Variants in C2orf78 observed in about 807,000 individuals in gnomAD.
The protein encoded by C2orf78 is chromosome 2 open reading frame 78, also known as uncharacterized protein C2orf78.
C2orf78 carries 12 observed loss-of-function variants against 21.4 expected under a neutral mutation model. The ratio of observed to expected loss-of-function variants is 0.56; its 90% CI spans 0.36 to 0.91. C2orf78 has a LOEUF of 0.91. Ranked by LOEUF, C2orf78 falls within the 40% of genes least tolerant of loss-of-function variation. C2orf78 has a pLI of 0.01. For missense variants in C2orf78, 1,042 were observed against 1,092.4 expected, an observed-to-expected ratio of 0.95 and a Z score of 0.65; for synonymous variants, 396 against 413.9, an observed-to-expected ratio of 0.96 and a Z score of 0.52.
chr2:73,810,947 T>C (rs1349442045), intron 1 of C2orf78, among the ~76,000 whole-genome samples: 2 of 143,138 alleles, frequency 1.4e-5, no homozygotes, highest in African/African-American at 5.2e-5. Context: ...ATGTATGTTA[T>C]ATATAATATA....
Position 73,808,681 on chromosome 2 carries a change from C to T in C2orf78, c.98-4796C>T, listed in dbSNP as rs181972814. The T allele has an allele frequency of 3.9e-5, 56 of 1,449,306 alleles. No individual in the cohort carries two copies. In the East Asian group the frequency reaches 1.4e-3, roughly 37 times the overall value. The allele number at this position is 1,449,306 out of a possible 1,614,324, so 89.8% of individuals were successfully genotyped here. On this transcript the variant is annotated intron_variant, in intron 1 of 2. Coordinates refer to ENST00000409561, the Ensembl canonical transcript of C2orf78. ...AAACTGCCTGCTTTGTGACATCATT[C>T]TCCCACCAAACCAACTGCCACCTGG...
chr2:73,811,487 G>C (rs1470343384), intron 1 of C2orf78, among the ~76,000 whole-genome samples: 1 of 152,094 alleles, frequency 6.6e-6, no homozygotes, highest in South Asian at 2.1e-4. Flanking sequence ...CAATACCTTT[G>C]CATGAAAAGT....
At chr2:73,813,423 G>A in intron 1 of C2orf78, 54 bp from the exon 2 acceptor site, 1 of 1,474,870 alleles carries the variant, frequency 6.8e-7, no homozygotes, top group Non-Finnish European at 9.0e-7. Context: ...CTTCCAATAA[G>A]GTGAGAATTT....
At chr2:73,810,442 G>A (rs1227190560) in intron 1 of C2orf78, among the ~76,000 whole-genome samples, 2 of 151,010 alleles carry the variant, frequency 1.3e-5, no homozygotes, top group Non-Finnish European at 2.9e-5. Context: ...CAGGAGAATC[G>A]TTTGAACCCA....
At chr2:73,810,605 A>ATATG (rs1673063166) in intron 1 of C2orf78, among the ~76,000 whole-genome samples, 3 of 137,584 alleles carry the variant, frequency 2.2e-5, no homozygotes, top group Non-Finnish European at 3.1e-5. Context: ...CATAAAATAT[A>ATATG]TATATTTTAT....
intron 1 of C2orf78, among the ~76,000 whole-genome samples, chr2:73,808,518 G>C (rs542574553): frequency 6.7e-6 from 1 of 150,320 alleles, no homozygotes; most frequent in South Asian, 2.1e-4. Flanking sequence ...GGGGAAAGTG[G>C]GACTATCATG....
intron 1 of C2orf78, among the ~76,000 whole-genome samples, chr2:73,810,785 GTATATTTTATA>G (rs1673071172): frequency 9.1e-6 from 1 of 110,300 alleles, no homozygotes; most frequent in South Asian, 2.7e-4. Context: ...AAATATACAT[GTATATTTTATA>G]TATATAATAT....
At chr2:73,815,698 T>C (rs371476904) in exon 3 of C2orf78, 76 of 1,613,828 alleles carry the variant, frequency 4.7e-5, no homozygotes, top group Non-Finnish European at 6.4e-5. Flanking sequence ...TCATGTGTCA[T>C]AAAGGGTCAC....
intron 2 of C2orf78, 102 bp from the exon 3 acceptor site, chr2:73,814,969 A>G (rs1673162307): frequency 8.7e-7 from 1 of 1,146,446 alleles, no homozygotes; most frequent in Non-Finnish European, 1.2e-6. Context: ...GAGCTAGTAG[A>G]AATGCCTTGC....
chr2:73,813,510 C>A (rs1332043646), exon 2 of C2orf78: 1 of 1,610,610 alleles, frequency 6.2e-7, no homozygotes, highest in Non-Finnish European at 8.5e-7. Flanking sequence ...CCTGGAACTG[C>A]AAATTCTCGG....
chr2:73,808,168 G>A (rs565808527), intron 1 of C2orf78, among the ~76,000 whole-genome samples: 6 of 150,254 alleles, frequency 4.0e-5, no homozygotes, highest in African/African-American at 7.5e-5. Flanking sequence ...GCAGGAGAAT[G>A]GCGTGAACCT....
chr2:73,813,513 A>G (rs1573202141), exon 2 of C2orf78: 1 of 1,611,356 alleles, frequency 6.2e-7, no homozygotes, highest in Non-Finnish European at 8.5e-7. Flanking sequence ...GGAACTGCAA[A>G]TTCTCGGCAG....
At chr2:73,811,482 C>T (rs931509729) in intron 1 of C2orf78, among the ~76,000 whole-genome samples, 1 of 152,086 alleles carries the variant, frequency 6.6e-6, no homozygotes, top group East Asian at 1.9e-4. Flanking sequence ...AAGAACAATA[C>T]CTTTGCATGA....
intron 1 of C2orf78, among the ~76,000 whole-genome samples, chr2:73,810,660 AATAT>A (rs1256997698): frequency 1.5e-5 from 2 of 130,648 alleles, no homozygotes; most frequent in African/African-American, 6.3e-5. Context: ...ATATATCTAT[AATAT>A]ATATAATATA....
At chr2:73,811,227 G>C (rs1317571996) in intron 1 of C2orf78, among the ~76,000 whole-genome samples, 2 of 151,904 alleles carry the variant, frequency 1.3e-5, no homozygotes, top group East Asian at 3.9e-4. Flanking sequence ...GGAGGCAGAG[G>C]TTGCAGTGAG....
intron 1 of C2orf78, among the ~76,000 whole-genome samples, chr2:73,809,651 G>C (rs1436097301): frequency 7.2e-5 from 11 of 152,180 alleles, no homozygotes; most frequent in Non-Finnish European, 4.4e-5. Context: ...AGCCAGGGTT[G>C]GGGGTGTGCC....
At chr2:73,809,614 C>T (rs1314890524) in intron 1 of C2orf78, among the ~76,000 whole-genome samples, 1 of 151,888 alleles carries the variant, frequency 6.6e-6, no homozygotes, top group African/African-American at 2.4e-5. Flanking sequence ...GGCAAGACCC[C>T]ATCTCTACAA....
rs1195355515 is a variant in C2orf78, at chr2:73,816,577, A to T, written c.2354A>T (p.Gln785Leu). The T allele has an allele frequency of 3.7e-6, 6 of 1,613,374 alleles. No homozygotes were observed. The East Asian group carries it at 1.3e-4, about 36-fold the overall frequency. ...TTGACAGGTCCTGCCACACCAGCTC[A>T]GCCAATTTCAGCCAAAGCAACCCAA... The change falls in exon 3 of 3, where the codon CAG becomes CTG. Residue 785 changes from glutamine to leucine, a missense_variant. Coordinates refer to ENST00000409561, the Ensembl canonical transcript of C2orf78.
In C2orf78 at chr2:73,813,461, C is replaced by G; in HGVS notation, c.98-16C>G. The G allele has an allele frequency of 6.4e-7, 1 of 1,564,346 alleles. No homozygotes were observed. The highest frequency in any genetic ancestry group is 1.7e-4 in the Middle Eastern group (1 of 5,812). ...CACTCTCATCGGTTTTTTCATCTCT[C>G]TCTTGTTTCCTACAGAATATTTCCA... On this transcript the variant is annotated splice_polypyrimidine_tract_variant and intron_variant, in intron 1 of 2. Transcript: ENST00000409561.
Sources: allele counts gnomAD v4.1 joint callset (sites outside exome capture counted in the v4.1 genomes callset), GRCh38; gene constraint gnomAD v4.1.1; transcripts MANE v1.5; gene names NCBI Gene and HGNC (gene_info 2026-07-23, HGNC 2026-07-21).